RTTN: variants seen among roughly 807,000 people sequenced by gnomAD.
The protein encoded by RTTN is rotatin.
RTTN carries 182 observed loss-of-function variants against 269.2 expected under a neutral mutation model. The observed-to-expected ratio is 0.68, with a 90% CI of 0.60 to 0.76. RTTN has a LOEUF of 0.76. RTTN is among the 30% of genes least tolerant of loss of function. The pLI is 0.00. For missense variants in RTTN, 2,545 were observed against 2,608.6 expected (o/e 0.98, Z 0.53); for synonymous variants, 1,006 against 963.5 (o/e 1.04, Z -0.82).
intron 1 of RTTN, 22 bp from the exon 2 acceptor site, chr18:70,205,337 C>T (rs1272179511): frequency 1.2e-6 from 2 of 1,612,304 alleles, no homozygotes; most frequent in African/African-American, 1.3e-5. Context: ...CGGCACAAAA[C>T]TATTTTATTT....
intron 28 of RTTN, among the ~76,000 whole-genome samples, chr18:70,100,270 C>T (rs1174773751): frequency 3.3e-5 from 5 of 152,102 alleles, no homozygotes; most frequent in Non-Finnish European, 5.9e-5. Flanking sequence ...CAGTGGTTTG[C>T]AGTTCTCCTT....
At chr18:70,165,542 T>A (rs1488198832) in intron 14 of RTTN, among the ~76,000 whole-genome samples, 1 of 151,944 alleles carries the variant, frequency 6.6e-6, no homozygotes, top group East Asian at 1.9e-4. Flanking sequence ...AAGGACACTT[T>A]CAAGAGTACG....
intron 28 of RTTN, among the ~76,000 whole-genome samples, chr18:70,107,256 CCTAA>C (rs1003838153): frequency 2.6e-5 from 4 of 152,174 alleles, no homozygotes; most frequent in Admixed American, 2.0e-4. Context: ...GAAACGGGCT[CCTAA>C]CTGACTTCCT....
intron 40 of RTTN, among the ~76,000 whole-genome samples, chr18:70,043,973 A>G (rs1381048240): frequency 2.0e-5 from 3 of 152,236 alleles, no homozygotes; most frequent in African/African-American, 7.2e-5. Context: ...ACAAAAAGAG[A>G]AAAAGAAATC....
At chr18:70,166,377 A>C in intron 13 of RTTN, 189 bp from the exon 14 acceptor site, 1 of 443,724 alleles carries the variant, frequency 2.3e-6, no homozygotes, top group Non-Finnish European at 3.8e-6. Context: ...GTTCTGTCTT[A>C]AAGAGTATTT....
At chr18:70,134,338 T>C (rs557001054) in intron 23 of RTTN, 135 bp downstream of exon 23, 47 of 674,342 alleles carry the variant, frequency 7.0e-5, no homozygotes, top group South Asian at 4.0e-4. Context: ...CAAAGCACCA[T>C]TGTGAAGGAA....
At chr18:70,186,910 G>C (rs1435256405) in intron 10 of RTTN, among the ~76,000 whole-genome samples, 1 of 152,048 alleles carries the variant, frequency 6.6e-6, no homozygotes, top group Non-Finnish European at 1.5e-5. Flanking sequence ...TTACCTATCG[G>C]GTACTAGGCT....
intron 12 of RTTN, among the ~76,000 whole-genome samples, chr18:70,168,399 T>C (rs1334419688): frequency 6.6e-6 from 1 of 152,212 alleles, no homozygotes. Flanking sequence ...ATAAACAATG[T>C]AGTTCATCAC....
chr18:70,092,261 T>C, intron 29 of RTTN, 41 bp from the exon 30 acceptor site: 1 of 1,269,550 alleles, frequency 7.9e-7, no homozygotes, highest in South Asian at 1.2e-5. Context: ...TGAGGTAAGT[T>C]TCTAAAAATA....
Position 70,109,616 on chromosome 18 carries a change from G to C in RTTN, c.3785C>G (p.Ser1262Cys). Residue 1262 changes from serine (S) to cysteine (C), a missense_variant, in exon 28 of 49, where the codon TCC becomes TGC. Transcript: ENST00000640769. ...CATCCCTCGTAAGGTCCGCTCAAGG[G>C]ACGGCAGGCCATAGAAATGAGGCGC... Reference protein sequence around the residue: ...TDAPHFYGLPSLERTLRGMAN... With the variant: ...TDAPHFYGLPCLERTLRGMAN... 3 of 1,614,046 alleles carry C rather than the reference G, an allele frequency of 1.9e-6. No homozygotes were observed. Among genetic ancestry groups the C allele is most frequent in the Non-Finnish European group, 1.7e-6 (2 of 1,180,012 alleles).
rs2061850304 is a variant in RTTN at position 70,197,864 on chromosome 18, A to G, written c.579-126T>C. On this transcript the variant is annotated intron_variant, in intron 5 of 48. Coordinates refer to ENST00000640769, the MANE Select transcript of RTTN (RefSeq NM_173630.4). ...CAGCTGAGATATCACTTCTCCAGAA[A>G]AGCCTTCCTAGATCTTTTCCCTAAC... The G allele has an allele frequency of 6.2e-6, 4 of 640,154 alleles. No homozygotes were observed. In the South Asian group the frequency reaches 7.6e-5, roughly 12 times the overall value. The allele number at this position is 640,154 out of a possible 1,614,324, so 39.7% of individuals were successfully genotyped here.
chr18:70,082,173 C>T (rs2058586329), intron 32 of RTTN, among the ~76,000 whole-genome samples: 1 of 152,026 alleles, frequency 6.6e-6, no homozygotes, highest in Non-Finnish European at 1.5e-5. Context: ...AAACTGACAA[C>T]CCATTATGTT....
intron 40 of RTTN, among the ~76,000 whole-genome samples, chr18:70,041,169 C>T (rs1248965921): frequency 2.0e-5 from 3 of 151,216 alleles, no homozygotes; most frequent in Admixed American, 6.6e-5. Context: ...GATCGGGCCA[C>T]GCTGCACTCC....
intron 37 of RTTN, among the ~76,000 whole-genome samples, chr18:70,055,303 GTACACACACACACA>G (rs2057785133): frequency 6.6e-6 from 1 of 151,462 alleles, no homozygotes; most frequent in African/African-American, 2.4e-5. Context: ...CTCTCTCTCT[GTACACACACACACA>G]TACACACACA....
intron 28 of RTTN, among the ~76,000 whole-genome samples, chr18:70,103,232 T>C (rs1268768845): frequency 6.6e-6 from 1 of 152,056 alleles, no homozygotes; most frequent in African/African-American, 2.4e-5. Context: ...TGACAGCCTG[T>C]CTGCAGGGGT....
intron 28 of RTTN, among the ~76,000 whole-genome samples, chr18:70,105,801 A>C (rs1223412814): frequency 6.6e-6 from 1 of 152,162 alleles, no homozygotes; most frequent in Admixed American, 6.5e-5. Flanking sequence ...ATCATTATTT[A>C]GTAATAAAAA....
chr18:70,027,373 T>C (rs1015205487), intron 43 of RTTN, among the ~76,000 whole-genome samples: 5 of 152,348 alleles, frequency 3.3e-5, no homozygotes, highest in Admixed American at 2.6e-4. Context: ...ATATTTATAC[T>C]CAAGGATAAT....
chr18:70,036,993 G>A (rs895736054), intron 40 of RTTN, among the ~76,000 whole-genome samples: 1 of 152,194 alleles, frequency 6.6e-6, no homozygotes. Context: ...AGAGAGCAGC[G>A]ACTGGGGGAC....
intron 25 of RTTN, among the ~76,000 whole-genome samples, chr18:70,126,835 A>G (rs2059877409): frequency 6.6e-6 from 1 of 152,160 alleles, no homozygotes; most frequent in Non-Finnish European, 1.5e-5. Flanking sequence ...AAAGGAATTC[A>G]TATTTTGGAA....
Sources: allele counts gnomAD v4.1 joint callset (sites outside exome capture counted in the v4.1 genomes callset), GRCh38; gene constraint gnomAD v4.1.1; transcripts MANE v1.5; gene names NCBI Gene and HGNC (gene_info 2026-07-23, HGNC 2026-07-21).